The following TAF2 variants were observed in gnomAD, a reference collection of about 807,000 sequenced individuals.
The protein encoded by TAF2 is TATA-box binding protein associated factor 2.
A neutral mutation model predicts 138.5 loss-of-function variants in TAF2; 61 were observed. That is an observed-to-expected ratio of 0.44 (90% CI 0.36 to 0.54). TAF2 has a LOEUF of 0.54. TAF2 is among the 20% of genes least tolerant of loss of function. TAF2 has a pLI of 0.00. For missense variants in TAF2, 1,090 were observed against 1,427.9 expected, an observed-to-expected ratio of 0.76 and a Z score of 3.81; for synonymous variants, 475 against 469.9, an observed-to-expected ratio of 1.01 and a Z score of -0.14.
At chr8:119,774,411 T>C (rs1048847717) in intron 18 of TAF2, among the ~76,000 whole-genome samples, 11 of 152,156 alleles carry the variant, frequency 7.2e-5, no homozygotes, top group African/African-American at 2.4e-4. Flanking sequence ...ACCAAGCTTA[T>C]TCAACACAGC....
rs1232217707 is a variant in TAF2 at position 119,742,638 on chromosome 8, G to A, written c.3233C>T (p.Pro1078Leu). The A allele has an allele frequency of 1.2e-6, 2 of 1,613,774 alleles. No homozygotes were observed. Among genetic ancestry groups the A allele is most frequent in the African/African-American group, 2.7e-5 (2 of 74,864 alleles). The change falls in exon 25 of 26, where the codon CCA becomes CTA. Residue 1078 changes from proline (P) to leucine (L), a missense_variant. By Grantham distance (98) the Pro-to-Leu change is moderately conservative. Transcript: ENST00000378164. ...TATTAAAGCAGATCGGGAGCTAGCT[G>A]GCCGATATTTCGAGAGCCCTAAAAT... ...PSTPGLSKYR[P>L]ASSRSALIPQ...
chr8:119,792,112 T>C (rs1419556628), intron 10 of TAF2, among the ~76,000 whole-genome samples: 1 of 151,936 alleles, frequency 6.6e-6, no homozygotes, highest in African/African-American at 2.4e-5. Flanking sequence ...GTGCAAATAT[T>C]TCTGTATGAT....
At chr8:119,820,860 T>A (rs974420540) in intron 2 of TAF2, among the ~76,000 whole-genome samples, 1 of 152,152 alleles carries the variant, frequency 6.6e-6, no homozygotes, top group African/African-American at 2.4e-5. Flanking sequence ...ATAAAGTTGA[T>A]AAAGATTCTG....
rs1563833892 is a variant in TAF2 at position 119,756,090 on chromosome 8, T to C, written c.2794A>G (p.Lys932Glu). ...ATGTTCTTAGTAAATGGTGGGTTCT[T>C]AGTCAACATGTTGAGAATCTTATGC... is the stretch of plus-strand genomic sequence containing the variant. ...VRHKILNMLT[K>E]NPPFTKNMES... The change falls in exon 22 of 26, where the codon AAG becomes GAG. Residue 932 changes from lysine to glutamate, a missense_variant. By Grantham distance (56) the Lys-to-Glu change is moderately conservative. Coordinates refer to ENST00000378164, the MANE Select transcript of TAF2 (RefSeq NM_003184.4). 3 of 1,613,610 alleles carry C rather than the reference T, an allele frequency of 1.9e-6. No individual in the cohort carries two copies. The highest frequency in any genetic ancestry group is 1.1e-5 in the South Asian group (1 of 91,052).
At chr8:119,763,502 G>A (rs1326584875) in intron 18 of TAF2, among the ~76,000 whole-genome samples, 1 of 152,086 alleles carries the variant, frequency 6.6e-6, no homozygotes, top group African/African-American at 2.4e-5. Flanking sequence ...GGCCAAGGCC[G>A]GCAGAACACT....
chr8:119,787,200 C>G (rs1049150478), intron 14 of TAF2, among the ~76,000 whole-genome samples: 3 of 151,924 alleles, frequency 2.0e-5, no homozygotes, highest in African/African-American at 7.3e-5. Flanking sequence ...CTTAAAGTTA[C>G]AAGAGAAAAA....
chr8:119,818,694 A>T (rs1213590125), intron 3 of TAF2, among the ~76,000 whole-genome samples: 1 of 151,782 alleles, frequency 6.6e-6, no homozygotes, highest in East Asian at 1.9e-4. Flanking sequence ...GAGCAAATGG[A>T]GTATTATTTA....
intron 3 of TAF2, among the ~76,000 whole-genome samples, chr8:119,812,188 T>C (rs935991773): frequency 1.3e-5 from 2 of 152,206 alleles, no homozygotes; most frequent in Non-Finnish European, 2.9e-5. Context: ...ATTGGCTATA[T>C]ATTTTTAAGC....
At chr8:119,829,117 T>C (rs189930225) in intron 2 of TAF2, among the ~76,000 whole-genome samples, 3 of 152,308 alleles carry the variant, frequency 2.0e-5, no homozygotes, top group African/African-American at 7.2e-5. Flanking sequence ...GGTAGACTGT[T>C]CTGATTATTC....
At chr8:119,736,517 T>C (rs950235363) in intron 25 of TAF2, among the ~76,000 whole-genome samples, 12 of 152,206 alleles carry the variant, frequency 7.9e-5, no homozygotes, top group African/African-American at 2.7e-4. Flanking sequence ...CTGCTCACCA[T>C]TGGAGATTGC....
intron 3 of TAF2, among the ~76,000 whole-genome samples, chr8:119,818,060 T>C (rs556272613): frequency 5.9e-5 from 9 of 152,382 alleles, no homozygotes; most frequent in Non-Finnish European, 1.0e-4. Context: ...ATCTCCTCTC[T>C]AAATGTGAAA....
intron 22 of TAF2, among the ~76,000 whole-genome samples, chr8:119,755,387 CT>C (rs1300518295): frequency 6.6e-6 from 1 of 152,100 alleles, no homozygotes; most frequent in East Asian, 1.9e-4. Flanking sequence ...ATCCCAGCTA[CT>C]CGGGAGGGTA....
intron 22 of TAF2, among the ~76,000 whole-genome samples, chr8:119,755,017 G>C (rs1035133809): frequency 2.6e-5 from 4 of 152,172 alleles, no homozygotes; most frequent in African/African-American, 9.7e-5. Flanking sequence ...CAGACACTGT[G>C]TTTTACAGAC....
Position 119,737,813 on chromosome 8 carries a change from CT to C in TAF2, c.3337+4720del, listed in dbSNP as rs527919044. Among the ~76,000 whole-genome samples the C allele has an allele frequency of 3.2e-3, 489 of 151,620 alleles. 3 individuals are homozygous for C. Among genetic ancestry groups the C allele is most frequent in the African/African-American group, 0.011 (454 of 41,370 alleles). On this transcript the variant is annotated intron_variant, in intron 25 of 25. Transcript: ENST00000378164. ...GTGAGCCACCGTGCCTGGCCTAAAG[CT>C]TTTTTTTAAAGGAGAAATTAAAGCA...
At chr8:119,815,940 C>T (rs1244616900) in intron 3 of TAF2, among the ~76,000 whole-genome samples, 1 of 152,088 alleles carries the variant, frequency 6.6e-6, no homozygotes, top group Non-Finnish European at 1.5e-5. Context: ...TGTCAGCTAA[C>T]AGTTGGATAA....
chr8:119,823,960 T>C (rs1825943000), intron 2 of TAF2, among the ~76,000 whole-genome samples: 1 of 152,206 alleles, frequency 6.6e-6, no homozygotes, highest in Non-Finnish European at 1.5e-5. Flanking sequence ...ATTTTGCCCC[T>C]GCCCTAGAGA....
chr8:119,821,807 C>T (rs572584815), intron 2 of TAF2, among the ~76,000 whole-genome samples: 1 of 152,230 alleles, frequency 6.6e-6, no homozygotes, highest in East Asian at 1.9e-4. Context: ...GAGGCTGAGG[C>T]AGGAGGACTG....
intron 2 of TAF2, among the ~76,000 whole-genome samples, chr8:119,825,610 G>A (rs376184063): frequency 1.3e-5 from 2 of 152,272 alleles, no homozygotes; most frequent in East Asian, 3.9e-4. Flanking sequence ...CCAGTGGGAG[G>A]TAACTGAATC....
At chr8:119,795,710 G>A in intron 8 of TAF2, 79 bp from the exon 9 acceptor site, 2 of 1,243,894 alleles carry the variant, frequency 1.6e-6, no homozygotes, top group Non-Finnish European at 2.3e-6. Flanking sequence ...AACGGAATAA[G>A]TGTAGTGTGT....
Sources: gnomAD v4.1 joint callset for allele counts (sites outside exome capture counted in the v4.1 genomes callset) on GRCh38, gnomAD v4.1.1 for gene constraint, MANE v1.5 for transcripts, NCBI Gene and HGNC (gene_info 2026-07-23, HGNC 2026-07-21) for gene names.